The following THAP8 variants were observed in gnomAD, a reference collection of about 807,000 sequenced individuals.
The protein encoded by THAP8 is THAP domain-containing protein 8.
THAP8 carries 24 observed loss-of-function variants against 25.0 expected under a neutral mutation model. The ratio of observed to expected loss-of-function variants is 0.96; its 90% CI spans 0.69 to 1.35. THAP8 has a LOEUF of 1.35. THAP8 is among the 40% of genes most tolerant of loss of function. The pLI, the probability that THAP8 is intolerant of heterozygous loss-of-function variation, is 0.00. For missense variants in THAP8, 399 were observed against 368.8 expected (o/e 1.08, Z -0.67); for synonymous variants, 169 against 157.6 (o/e 1.07, Z -0.54).
chr19:36,054,100 C>T (rs1970194974), intron 1 of THAP8, 35 bp downstream of exon 1: 1 of 1,600,816 alleles, frequency 6.2e-7, no homozygotes, highest in African/African-American at 1.3e-5. Context: ...CTCAGGGTCC[C>T]GCCTCCCTCA....
intron 1 of THAP8, among the ~76,000 whole-genome samples, 197 bp from the exon 2 acceptor site, chr19:36,040,333 T>C (rs1305612463): frequency 6.6e-6 from 1 of 152,148 alleles, no homozygotes; most frequent in Non-Finnish European, 1.5e-5. Flanking sequence ...CTTTTAGTAG[T>C]AGTATTTTGT....
At chr19:36,036,944 A>G in intron 3 of THAP8, among the ~76,000 whole-genome samples, 1 of 109,890 alleles carries the variant, frequency 9.1e-6, no homozygotes, top group African/African-American at 3.2e-5. Context: ...CCTTCTCAAA[A>G]AAAAAAAAAA....
At chr19:36,054,002 TCTC>T in intron 1 of THAP8, 130 bp downstream of exon 1, 1 of 934,910 alleles carries the variant, frequency 1.1e-6, no homozygotes, top group Non-Finnish European at 1.6e-6. Flanking sequence ...AGGAAGGCCA[TCTC>T]CTCATGGTTT....
At chr19:36,037,144 G>C (rs1332986013) in intron 3 of THAP8, among the ~76,000 whole-genome samples, 1 of 151,288 alleles carries the variant, frequency 6.6e-6, no homozygotes, top group Non-Finnish European at 1.5e-5. Context: ...ATTTCGCCTT[G>C]GTCAAACTGT....
intron 1 of THAP8, among the ~76,000 whole-genome samples, chr19:36,048,858 A>AC (rs1491142418): frequency 1.9e-5 from 1 of 52,660 alleles, no homozygotes; most frequent in Non-Finnish European, 4.3e-5. Flanking sequence ...AAAAAAAAAC[A>AC]AAAAAACAAA....
chr19:36,049,660 G>T (rs1355997437), intron 1 of THAP8, among the ~76,000 whole-genome samples: 1 of 89,284 alleles, frequency 1.1e-5, no homozygotes, highest in Non-Finnish European at 2.2e-5. Flanking sequence ...ATATACAGTC[G>T]TCATCATTTT....
chr19:36,048,426 C>T (rs148942156), intron 1 of THAP8, among the ~76,000 whole-genome samples: 5,402 of 150,944 alleles, frequency 0.036, 143 homozygotes, highest in East Asian at 0.11. Flanking sequence ...AGTGCAGTGG[C>T]GCGATCTTGG....
intron 1 of THAP8, among the ~76,000 whole-genome samples, chr19:36,045,088 TATTTA>T (rs1285086508): frequency 1.8e-4 from 28 of 151,988 alleles, no homozygotes; most frequent in African/African-American, 6.8e-4. Flanking sequence ...TTTATTTATT[TATTTA>T]ATTTATTTTT....
chr19:36,039,326 G>A lies in THAP8; in HGVS notation c.669C>T (p.Arg223=), dbSNP rs552791190. 4.7e-6 allele frequency: 7 copies of A among 1,485,346 alleles called. No homozygotes were observed. The highest frequency in any genetic ancestry group is 1.4e-5 in the African/African-American group (1 of 71,310). The allele number at this position is 1,485,346 out of a possible 1,614,324, so 92.0% of individuals were successfully genotyped here. A position where few individuals can be genotyped will look rare whatever the true frequency, so the allele number is the denominator to read the frequency against. Residue 223 remains arginine, a synonymous_variant, in exon 3 of 4, where the codon CGC becomes CGT. Transcript: ENST00000292894. The stretch of plus-strand genomic sequence containing the variant: ...GCCAGGCTGGGGTGCCACTCACCAG[G>A]CGCTGCAGACCCCGGCGTGCCCGTG... ...LLARARRGLQ[R]LTTAQTLGPE...
chr19:36,035,665 AG>A, intron 3 of THAP8, 73 bp from the exon 4 acceptor site: 1 of 1,542,558 alleles, frequency 6.5e-7, no homozygotes, highest in Non-Finnish European at 8.8e-7. Context: ...GATAACGGTG[AG>A]GAACAGGGAG....
chr19:36,047,825 CAAAAAAAAAAAAAAAGAAAGAAAAATAG>C (rs1969927741), intron 1 of THAP8, among the ~76,000 whole-genome samples: 1 of 106,542 alleles, frequency 9.4e-6, no homozygotes, highest in Non-Finnish European at 2.0e-5. Flanking sequence ...ATGAGACTTT[CAAAAAAAAAAAAAAAGAAAGAAAAATAG>C]TGATAGGACC....
intron 3 of THAP8, among the ~76,000 whole-genome samples, chr19:36,037,367 C>CACACAA (rs1719998031): frequency 6.6e-6 from 1 of 151,648 alleles, no homozygotes; most frequent in Non-Finnish European, 1.5e-5. Context: ...CACACACACA[C>CACACAA]ACACACACAC....
Position 36,053,259 on chromosome 19 carries a change from G to T in THAP8, c.83+876C>A, listed in dbSNP as rs1183237928. Among the ~76,000 whole-genome samples, 3 of 149,350 alleles carry T rather than the reference G, an allele frequency of 2.0e-5. No individual in the cohort carries two copies. The Admixed American group carries it at 2.0e-4, about 10-fold the overall frequency. On this transcript the variant is annotated intron_variant, in intron 1 of 3. Coordinates refer to ENST00000292894, the MANE Select transcript of THAP8 (RefSeq NM_152658.3). Reference sequence around the variant, plus strand: ...ATTTTTGTATTTTTAGTAGACACGGGGTTTCACCATGTTGGCCAGGCTGGT... The same window carrying T: ...ATTTTTGTATTTTTAGTAGACACGGTGTTTCACCATGTTGGCCAGGCTGGT...
Position 36,054,164 on chromosome 19 carries a change from A to T in THAP8, c.54T>A (p.Gly18=). The change falls in exon 1 of 4, where the codon GGT becomes GGA. Residue 18 remains glycine (G), a synonymous_variant. Transcript: ENST00000292894. ...AGAAGCTCACAGGGCGGTTGTCTGC[A>T]CCCAGGCGGCCCGCAGTGTTGGAGC... ...PNCSNTAGRL[G]ADNRPVSFYK... 6.2e-7 allele frequency: 1 copy of T among 1,613,578 alleles called. No individual in the cohort carries two copies. Among genetic ancestry groups the T allele is most frequent in the East Asian group, 2.2e-5 (1 of 44,872 alleles).
chr19:36,054,501 A>C (rs1433129070), upstream of THAP8: 1 of 569,514 alleles, frequency 1.8e-6, no homozygotes, highest in Non-Finnish European at 3.2e-6. Flanking sequence ...TGTTGGGGGG[A>C]AGGGCGGCGT....
rs1286975719 is a variant in THAP8 at position 36,039,462 on chromosome 19, C to G, written c.533G>C (p.Gly178Ala). 1 of 1,600,402 alleles carries G rather than the reference C, an allele frequency of 6.2e-7. No individual in the cohort carries two copies. Among genetic ancestry groups the G allele is most frequent in the Non-Finnish European group, 8.5e-7 (1 of 1,172,730 alleles). Reference sequence around the variant, plus strand: ...CCTCCGCACCCGGCGTTGCAGTGCTCCCAGCACTGGGCCCAGCCCGGTCTG... The same window carrying G: ...CCTCCGCACCCGGCGTTGCAGTGCTGCCAGCACTGGGCCCAGCCCGGTCTG... ...QAQTGLGPVL[G>A]ALQRRVRRLQ... is the part of the protein sequence containing the mutation. The change falls in exon 3 of 4, where the codon GGA becomes GCA. Residue 178 changes from glycine (G) to alanine (A), a missense_variant. Gly to Ala is a moderately conservative substitution (Grantham distance 60). Transcript: ENST00000292894.
At chr19:36,048,438 T>TGACTGCAACCTCCGCCTCCCAGGTTCAA (rs1969947879) in intron 1 of THAP8, among the ~76,000 whole-genome samples, 1 of 151,892 alleles carries the variant, frequency 6.6e-6, no homozygotes, top group East Asian at 1.9e-4. Flanking sequence ...CGATCTTGGC[T>TGACTGCAACCTCCGCCTCCCAGGTTCAA]GACTGCAACC....
At position 36,054,169 on chromosome 19, in the gene THAP8, G is replaced by C. The variant is rs754532316; in HGVS notation, c.49C>G (p.Leu17Val). 22 of 1,613,832 alleles carry C rather than the reference G, an allele frequency of 1.4e-5. No individual in the cohort carries two copies. The highest frequency in any genetic ancestry group is 1.9e-5 in the Non-Finnish European group (22 of 1,179,954). ...CTCACAGGGCGGTTGTCTGCACCCA[G>C]GCGGCCCGCAGTGTTGGAGCAGTTC... ...APNCSNTAGRLGADNRPVSFY... is the reference protein window; with the variant it reads ...APNCSNTAGRVGADNRPVSFY... The change falls in exon 1 of 4, where the codon CTG becomes GTG. Residue 17 changes from leucine to valine, a missense_variant. Leu to Val is a conservative substitution (Grantham distance 32). Transcript: ENST00000292894.
At chr19:36,049,887 T>C (rs2145457887) in intron 1 of THAP8, among the ~76,000 whole-genome samples, 2 of 152,066 alleles carry the variant, frequency 1.3e-5, no homozygotes, top group South Asian at 4.2e-4. Context: ...ACTCCATCTC[T>C]ACTAAAAATA....
Sources: gnomAD v4.1 joint callset for allele counts (sites outside exome capture counted in the v4.1 genomes callset) on GRCh38, gnomAD v4.1.1 for gene constraint, MANE v1.5 for transcripts, NCBI Gene and HGNC (gene_info 2026-07-23, HGNC 2026-07-21) for gene names.